RORA: variants seen among roughly 807,000 people sequenced by gnomAD.
The protein encoded by RORA is RAR related orphan receptor A.
In RORA, 7 loss-of-function variants were observed where a neutral mutation model predicts 69.5. That is an observed-to-expected ratio of 0.10 (90% CI 0.06 to 0.19). The LOEUF is 0.19. RORA is among the 10% of genes least tolerant of loss of function. The probability of loss-of-function intolerance (pLI) is 1.00; values close to 1 mark genes in which losing one functional copy is unlikely to be tolerated. For missense variants in RORA, 457 were observed against 663.0 expected (o/e 0.69, Z 3.41); for synonymous variants, 261 against 240.8 (o/e 1.08, Z -0.78).
At chr15:60,619,384 A>G (rs1373216840) in intron 2 of RORA, among the ~76,000 whole-genome samples, 2 of 152,214 alleles carry the variant, frequency 1.3e-5, no homozygotes, top group Admixed American at 1.3e-4. Flanking sequence ...GGGACAAACT[A>G]TCTTGGGGCT....
At position 60,717,573 on chromosome 15, in the gene RORA, G is replaced by A. The variant is rs1361917158; in HGVS notation, c.167-38887C>T. Among the ~76,000 whole-genome samples, 8 of 152,184 alleles carry A rather than the reference G, an allele frequency of 5.3e-5. No homozygotes were observed. The East Asian group carries it at 1.5e-3, about 29-fold the overall frequency. On this transcript the variant is annotated intron_variant, in intron 1 of 10. Transcript: ENST00000335670. ...CAGTAAGTTATAAAACCTTTATCAT[G>A]TTTTTTTGTCTTCTGTCATCACTCC...
chr15:61,191,305 T>C (rs2079797427), intron 1 of RORA, among the ~76,000 whole-genome samples: 1 of 151,550 alleles, frequency 6.6e-6, no homozygotes, highest in South Asian at 2.1e-4. Context: ...ATCTGTATTA[T>C]TATTTCACAA....
chr15:61,029,658 G>C (rs1207320415), intron 1 of RORA, among the ~76,000 whole-genome samples: 1 of 152,168 alleles, frequency 6.6e-6, no homozygotes, highest in Non-Finnish European at 1.5e-5. Flanking sequence ...TAAATCAACA[G>C]GACAGGGTGA....
intron 1 of RORA, among the ~76,000 whole-genome samples, chr15:61,044,538 T>G (rs1029477819): frequency 6.6e-6 from 1 of 152,260 alleles, no homozygotes; most frequent in Non-Finnish European, 1.5e-5. Flanking sequence ...TTTTTTTACA[T>G]GAATTACACA....
At chr15:60,513,891 T>C (rs1567048734) in intron 4 of RORA, among the ~76,000 whole-genome samples, 3 of 152,214 alleles carry the variant, frequency 2.0e-5, no homozygotes, top group Admixed American at 2.0e-4. Context: ...AGCCAGCTGG[T>C]ATATTTGGAA....
chr15:61,031,023 A>G (rs1896141051), intron 1 of RORA, among the ~76,000 whole-genome samples: 1 of 152,208 alleles, frequency 6.6e-6, no homozygotes, highest in East Asian at 1.9e-4. Context: ...TTATTCAAGT[A>G]CTTCAAGACC....
At chr15:60,727,257 T>C (rs2071372142) in intron 1 of RORA, among the ~76,000 whole-genome samples, 1 of 152,220 alleles carries the variant, frequency 6.6e-6, no homozygotes, top group Non-Finnish European at 1.5e-5. Context: ...TCCCCTTCTT[T>C]GCAATTGCTT....
rs541962861 is a variant in RORA, at chr15:60,719,328, AG to A, written c.167-40643del. Among the ~76,000 whole-genome samples the A allele has an allele frequency of 5.3e-5, 8 of 152,160 alleles. No individual in the cohort carries two copies. In the South Asian group the frequency reaches 8.3e-4, roughly 16 times the overall value. ...AAATGTGTGTGTGTGTGTTAGCAGG[AG>A]GGGTAAGTGAAACAACGATGGTAAA... On this transcript the variant is annotated intron_variant, in intron 1 of 10. Coordinates refer to ENST00000335670, the MANE Select transcript of RORA (RefSeq NM_134261.3).
intron 1 of RORA, among the ~76,000 whole-genome samples, chr15:61,098,109 C>T (rs1333209405): frequency 7.0e-6 from 1 of 143,216 alleles, no homozygotes; most frequent in Non-Finnish European, 1.5e-5. Flanking sequence ...CCTTCCCTCC[C>T]TCCCTCCTTC....
intron 1 of RORA, among the ~76,000 whole-genome samples, chr15:60,705,891 TC>T (rs1436445917): frequency 6.6e-6 from 1 of 152,122 alleles, no homozygotes; most frequent in Non-Finnish European, 1.5e-5. Context: ...AGAATCTTTC[TC>T]CAAGGAGTGC....
At chr15:61,094,690 T>C (rs1257787272) in intron 1 of RORA, among the ~76,000 whole-genome samples, 1 of 152,184 alleles carries the variant, frequency 6.6e-6, no homozygotes, top group Non-Finnish European at 1.5e-5. Flanking sequence ...ATAGAAAACA[T>C]TATTTGAGCC....
chr15:60,645,725 A>C (rs4775282), intron 2 of RORA, among the ~76,000 whole-genome samples: 1 of 151,774 alleles, frequency 6.6e-6, no homozygotes, highest in African/African-American at 2.4e-5. Flanking sequence ...CATTTGTGTT[A>C]ATGTGAAGGA....
chr15:61,064,639 A>G (rs1258047779), intron 1 of RORA, among the ~76,000 whole-genome samples: 1 of 152,162 alleles, frequency 6.6e-6, no homozygotes, highest in East Asian at 1.9e-4. Flanking sequence ...GTGGTCCACA[A>G]CATGAAAAAA....
chr15:60,904,281 G>C (rs1891471284), intron 1 of RORA, among the ~76,000 whole-genome samples: 1 of 152,194 alleles, frequency 6.6e-6, no homozygotes, highest in Non-Finnish European at 1.5e-5. Flanking sequence ...CAGATACATG[G>C]TGTTGGAGTA....
intron 2 of RORA, among the ~76,000 whole-genome samples, chr15:60,614,615 G>T (rs371388541): frequency 3.0e-4 from 46 of 152,126 alleles, no homozygotes; most frequent in African/African-American, 1.1e-3. Flanking sequence ...TCGGTTCTAT[G>T]ACCCTTTGTG....
At chr15:60,653,955 A>G (rs1261737672) in intron 2 of RORA, among the ~76,000 whole-genome samples, 3 of 152,118 alleles carry the variant, frequency 2.0e-5, no homozygotes, top group Admixed American at 2.0e-4. Context: ...GTCAATTAAA[A>G]TCTCAACAGG....
chr15:61,189,837 A>G (rs1162497365), intron 1 of RORA, among the ~76,000 whole-genome samples: 1 of 123,292 alleles, frequency 8.1e-6, no homozygotes, highest in African/African-American at 2.9e-5. Context: ...AGCCTGGGTG[A>G]CAGAGCGAGA....
intron 1 of RORA, among the ~76,000 whole-genome samples, chr15:61,002,670 T>C (rs573369962): frequency 2.5e-4 from 38 of 152,328 alleles, no homozygotes; most frequent in African/African-American, 7.2e-4. Flanking sequence ...GGCCAATCTC[T>C]GCAAGCAAAT....
chr15:60,623,128 T>C (rs2069465154), intron 2 of RORA, among the ~76,000 whole-genome samples: 1 of 152,276 alleles, frequency 6.6e-6, no homozygotes, highest in South Asian at 2.1e-4. Context: ...CTTCTTTTTT[T>C]CCCTGAAACC....
Sources: allele counts gnomAD v4.1 joint callset (sites outside exome capture counted in the v4.1 genomes callset), GRCh38; gene constraint gnomAD v4.1.1; transcripts MANE v1.5; gene names NCBI Gene and HGNC (gene_info 2026-07-23, HGNC 2026-07-21).